The following LIMCH1 variants were observed in gnomAD, a reference collection of about 807,000 sequenced individuals.
LIMCH1 encodes the protein LIM and calponin homology domains-containing protein 1.
A neutral mutation model predicts 176.5 loss-of-function variants in LIMCH1; 113 were observed. The observed-to-expected ratio is 0.64, with a 90% CI of 0.55 to 0.75. LIMCH1 has a LOEUF of 0.75. LIMCH1 is among the 30% of genes least tolerant of loss of function. The pLI, the probability that LIMCH1 is intolerant of heterozygous loss-of-function variation, is 0.00. For missense variants in LIMCH1, 1,674 were observed against 1,814.9 expected, an observed-to-expected ratio of 0.92 and a Z score of 1.41; for synonymous variants, 619 against 645.9, an observed-to-expected ratio of 0.96 and a Z score of 0.63.
At chr4:41,600,201 G>A (rs762890474) in intron 2 of LIMCH1, among the ~76,000 whole-genome samples, 2 of 152,022 alleles carry the variant, frequency 1.3e-5, no homozygotes, top group Non-Finnish European at 2.9e-5. Flanking sequence ...TTAACTAAGC[G>A]AAAAAATAAC....
At position 41,626,862 on chromosome 4, in the gene LIMCH1, AG is replaced by A. The variant is rs1179688566; in HGVS notation, c.882del (p.Arg295GlufsTer4). On this transcript the variant is annotated frameshift_variant, in exon 8 of 32. Coordinates refer to ENST00000503057, the MANE Select transcript of LIMCH1 (RefSeq NM_001330672.2). LOFTEE classifies it high-confidence loss of function. ...TCTTGAGAAGGATGACTTTGCTGCA[AG>A]GAGAGCAAGGATGAACCAAACCAAG... ...PDLEKDDFAA[R>X]RARMNQTKPM... 55 of 1,536,068 alleles carry A rather than the reference AG, an allele frequency of 3.6e-5. No homozygotes were observed. Among genetic ancestry groups the A allele is most frequent in the Non-Finnish European group, 4.6e-5 (53 of 1,146,932 alleles).
intron 4 of LIMCH1, among the ~76,000 whole-genome samples, chr4:41,611,139 T>A (rs1279944074): frequency 6.6e-6 from 1 of 152,250 alleles, no homozygotes; most frequent in Non-Finnish European, 1.5e-5. Flanking sequence ...CACATTTTAC[T>A]GTATGTTTTC....
chr4:41,552,432 G>T (rs907326396), intron 1 of LIMCH1, among the ~76,000 whole-genome samples: 2 of 152,014 alleles, frequency 1.3e-5, no homozygotes, highest in African/African-American at 4.8e-5. Flanking sequence ...CTGAGAGGAA[G>T]AACACTCCAG....
intron 1 of LIMCH1, among the ~76,000 whole-genome samples, chr4:41,426,076 C>G (rs1426440442): frequency 7.5e-6 from 1 of 133,072 alleles, no homozygotes; most frequent in South Asian, 2.4e-4. Flanking sequence ...GGCTGGAGTG[C>G]AGTGGCGGGA....
At chr4:41,477,683 T>C (rs1174629379) in intron 1 of LIMCH1, among the ~76,000 whole-genome samples, 2 of 152,152 alleles carry the variant, frequency 1.3e-5, no homozygotes, top group Non-Finnish European at 2.9e-5. Flanking sequence ...CAATCCTGAC[T>C]AGGCGTTGCT....
intron 1 of LIMCH1, among the ~76,000 whole-genome samples, chr4:41,370,196 C>T (rs753926058): frequency 6.1e-4 from 93 of 152,240 alleles, no homozygotes; most frequent in Admixed American, 1.2e-3. Flanking sequence ...TTAGGGCTCT[C>T]ACCTTCTCTT....
intron 5 of LIMCH1, among the ~76,000 whole-genome samples, chr4:41,616,101 A>C (rs1652025607): frequency 6.6e-6 from 1 of 152,222 alleles, no homozygotes; most frequent in Admixed American, 6.5e-5. Context: ...TGTTTTCAAA[A>C]TTAAGAACAT....
chr4:41,498,761 C>G (rs1246561020), intron 2 of LIMCH1, among the ~76,000 whole-genome samples: 1 of 152,178 alleles, frequency 6.6e-6, no homozygotes, highest in East Asian at 1.9e-4. Flanking sequence ...CATACACCGG[C>G]CTGTTTTGAA....
intron 1 of LIMCH1, among the ~76,000 whole-genome samples, chr4:41,473,703 A>T (rs1227777945): frequency 6.6e-6 from 1 of 152,238 alleles, no homozygotes; most frequent in African/African-American, 2.4e-5. Flanking sequence ...AAATAGACAA[A>T]TGAGATTGCA....
intron 1 of LIMCH1, among the ~76,000 whole-genome samples, chr4:41,419,729 TTCTTCCTCC>T (rs1311100092): frequency 9.1e-4 from 129 of 142,106 alleles, no homozygotes; most frequent in African/African-American, 3.3e-3. Context: ...CCTCCTTCCT[TTCTTCCTCC>T]CCTCCTTCTT....
intron 28 of LIMCH1, among the ~76,000 whole-genome samples, chr4:41,686,123 T>G (rs1238735876): frequency 6.6e-6 from 1 of 152,222 alleles, no homozygotes; most frequent in Non-Finnish European, 1.5e-5. Context: ...GTAATTCATT[T>G]GAGTTAAATT....
At chr4:41,621,676 A>G (rs935874351) in intron 7 of LIMCH1, among the ~76,000 whole-genome samples, 1 of 151,868 alleles carries the variant, frequency 6.6e-6, no homozygotes, top group African/African-American at 2.4e-5. Flanking sequence ...TAATTTTTGG[A>G]TTTTTAGTAG....
Position 41,568,350 on chromosome 4 carries a change from G to A in LIMCH1, c.-241+30000G>A, listed in dbSNP as rs2083053463. On this transcript the variant is annotated intron_variant, in intron 1 of 31. Coordinates refer to ENST00000503057, the MANE Select transcript of LIMCH1 (RefSeq NM_001330672.2). ...AATTTTAAAACAAAAAGTTATCAAG[G>A]TCCAGCTTCAGGAGAGCCAACGTGA... Among the ~76,000 whole-genome samples, 5 of 152,084 alleles carry A rather than the reference G, an allele frequency of 3.3e-5. No homozygotes were observed. The South Asian group carries it at 1.0e-3, about 32-fold the overall frequency.
At chr4:41,449,329 C>T (rs918779257) in intron 1 of LIMCH1, among the ~76,000 whole-genome samples, 1 of 152,204 alleles carries the variant, frequency 6.6e-6, no homozygotes, top group African/African-American at 2.4e-5. Context: ...TGGTCTAATT[C>T]ACACAGCATA....
intron 1 of LIMCH1, among the ~76,000 whole-genome samples, chr4:41,375,165 G>C (rs1277971466): frequency 2.0e-5 from 3 of 152,188 alleles, no homozygotes; most frequent in Admixed American, 2.0e-4. Flanking sequence ...GATGATAAGG[G>C]AAGGAAGGAA....
Position 41,600,245 on chromosome 4 carries a change from C to T in LIMCH1, c.-134+1219C>T, listed in dbSNP as rs181066428. 3.3e-5 allele frequency among the ~76,000 whole-genome samples: 5 copies of T among 152,202 alleles called. No homozygotes were observed. The East Asian group carries it at 5.8e-4, about 18-fold the overall frequency. ...AATCAGGATATTTGAATATGGAAACCGCACTAAACCTCATCTTGGTCATCA... is the reference window on the plus strand; with the variant it reads ...AATCAGGATATTTGAATATGGAAACTGCACTAAACCTCATCTTGGTCATCA... On this transcript the variant is annotated intron_variant, in intron 2 of 31. Transcript: ENST00000503057.
intron 2 of LIMCH1, among the ~76,000 whole-genome samples, chr4:41,600,955 C>T (rs1246975628): frequency 1.3e-5 from 2 of 151,968 alleles, no homozygotes; most frequent in Non-Finnish European, 2.9e-5. Flanking sequence ...CCTTTTCTTC[C>T]TTCTGCCTTC....
chr4:41,643,647 G>GT (rs60723956), intron 14 of LIMCH1, among the ~76,000 whole-genome samples: 5,899 of 152,194 alleles, frequency 0.039, 188 homozygotes, highest in African/African-American at 0.083. Context: ...CAGTCTAAGA[G>GT]TTTTTTAAAG....
intron 5 of LIMCH1, among the ~76,000 whole-genome samples, chr4:41,618,512 A>G (rs1290531132): frequency 1.3e-5 from 2 of 152,228 alleles, no homozygotes; most frequent in African/African-American, 4.8e-5. Flanking sequence ...TACAAGGTAG[A>G]AAGTATAATG....
Sources: gnomAD v4.1 joint callset for allele counts (sites outside exome capture counted in the v4.1 genomes callset) on GRCh38, gnomAD v4.1.1 for gene constraint, MANE v1.5 for transcripts, NCBI Gene and HGNC (gene_info 2026-07-23, HGNC 2026-07-21) for gene names.